The following FGF14 variants were observed in gnomAD, a reference collection of about 807,000 sequenced individuals.
FGF14 encodes the protein fibroblast growth factor 14, also known as fibroblast growth factor homologous factor 4.
In FGF14, 5 loss-of-function variants were observed where a neutral mutation model predicts 25.5. That is an observed-to-expected ratio of 0.20 (90% confidence interval 0.10 to 0.41). The LOEUF (loss-of-function observed/expected upper bound fraction) is 0.41. Among genes scored for constraint, FGF14 ranks in the 10% least tolerant of loss-of-function variants. The probability of loss-of-function intolerance (pLI) is 1.00; values close to 1 mark genes in which losing one functional copy is unlikely to be tolerated. For synonymous variants in FGF14, 138 were observed against 118.3 expected (o/e 1.17, Z -1.08); for missense variants, 222 against 320.1 (o/e 0.69, Z 2.34).
At chr13:102,353,365 T>C (rs1005970465) in intron 1 of FGF14, among the ~76,000 whole-genome samples, 1 of 152,204 alleles carries the variant, frequency 6.6e-6, no homozygotes, top group African/African-American at 2.4e-5. Flanking sequence ...GGTGATCTCA[T>C]CAACCCCTGT....
chr13:101,993,905 A>G (rs907668021), intron 1 of FGF14, among the ~76,000 whole-genome samples: 5 of 151,942 alleles, frequency 3.3e-5, no homozygotes, highest in Admixed American at 2.6e-4. Flanking sequence ...ATGTACCCTA[A>G]AACTTAAAGT....
At chr13:101,731,948 C>T (rs2035840479) in intron 3 of FGF14, among the ~76,000 whole-genome samples, 1 of 152,134 alleles carries the variant, frequency 6.6e-6, no homozygotes. Context: ...ACTATATGGT[C>T]CTTTGCCAAA....
chr13:102,054,542 T>C (rs1201517542), intron 1 of FGF14, among the ~76,000 whole-genome samples: 1 of 152,116 alleles, frequency 6.6e-6, no homozygotes, highest in African/African-American at 2.4e-5. Flanking sequence ...TCCCCATTGG[T>C]TAGTGTTAAT....
In FGF14 at chr13:102,257,011, T is replaced by G. The variant is rs968878092; in HGVS notation, c.208+144460A>C. ...ACGTTTCTATCTGAATTTGGTGGCT[T>G]GTATTGAACTTGATCTGGTATATAA... On this transcript the variant is annotated intron_variant, in intron 1 of 4. Coordinates refer to the FGF14 transcript ENST00000376131. Among the ~76,000 whole-genome samples the G allele has an allele frequency of 7.2e-5, 11 of 152,294 alleles. No homozygotes were observed. The South Asian group carries it at 1.7e-3, about 23-fold the overall frequency.
chr13:101,895,573 A>T (rs1347482189), intron 1 of FGF14, among the ~76,000 whole-genome samples: 2 of 152,236 alleles, frequency 1.3e-5, no homozygotes, highest in African/African-American at 2.4e-5. Context: ...CAAGTGAAAG[A>T]TGATTACTCT....
intron 3 of FGF14, among the ~76,000 whole-genome samples, chr13:101,733,558 G>A (rs1330341887): frequency 2.1e-5 from 3 of 141,146 alleles, no homozygotes; most frequent in Non-Finnish European, 4.5e-5. Flanking sequence ...TTGTGCCACT[G>A]CACTCCAGCC....
At chr13:102,278,356 A>G (rs2053645748) in intron 1 of FGF14, among the ~76,000 whole-genome samples, 1 of 152,210 alleles carries the variant, frequency 6.6e-6, no homozygotes, top group Admixed American at 6.5e-5. Context: ...GGACAAGTTG[A>G]AAACTGGAAA....
At chr13:102,005,132 G>C (rs2039713188) in intron 1 of FGF14, among the ~76,000 whole-genome samples, 2 of 152,086 alleles carry the variant, frequency 1.3e-5, no homozygotes, top group Admixed American at 1.3e-4. Context: ...TTATTACTGG[G>C]ATTTATTCTG....
intron 3 of FGF14, among the ~76,000 whole-genome samples, chr13:101,727,172 G>C (rs1004052438): frequency 3.3e-5 from 5 of 152,072 alleles, no homozygotes; most frequent in African/African-American, 1.2e-4. Context: ...ACACATTTCA[G>C]ATATTTTATA....
intron 1 of FGF14, among the ~76,000 whole-genome samples, chr13:101,887,735 T>C (rs1377097257): frequency 6.6e-6 from 1 of 152,094 alleles, no homozygotes; most frequent in Non-Finnish European, 1.5e-5. Context: ...GAAGAAAGAT[T>C]TGGAATGTTC....
At chr13:102,310,902 C>A (rs1226108948) in intron 1 of FGF14, among the ~76,000 whole-genome samples, 2 of 151,986 alleles carry the variant, frequency 1.3e-5, no homozygotes, top group African/African-American at 4.8e-5. Flanking sequence ...GCCAGGGTCT[C>A]ATTTTCAGGA....
At chr13:101,974,864 C>G (rs2037828112) in intron 1 of FGF14, among the ~76,000 whole-genome samples, 1 of 152,116 alleles carries the variant, frequency 6.6e-6, no homozygotes, top group Non-Finnish European at 1.5e-5. Flanking sequence ...TGTGTCCAGG[C>G]CCAGATCAGA....
At chr13:101,729,106 A>C (rs758451551) in intron 3 of FGF14, among the ~76,000 whole-genome samples, 7 of 152,132 alleles carry the variant, frequency 4.6e-5, no homozygotes, top group Admixed American at 1.3e-4. Context: ...CAAAGAAGTC[A>C]ATTCCACAGC....
intron 1 of FGF14, among the ~76,000 whole-genome samples, chr13:102,270,997 T>C (rs2053218838): frequency 6.6e-6 from 1 of 152,218 alleles, no homozygotes; most frequent in African/African-American, 2.4e-5. Context: ...GCATGAACAT[T>C]TATACAATAA....
At chr13:101,942,184 A>G (rs1008442924) in intron 1 of FGF14, among the ~76,000 whole-genome samples, 1 of 152,186 alleles carries the variant, frequency 6.6e-6, no homozygotes, top group African/African-American at 2.4e-5. Flanking sequence ...TATTCCTCAC[A>G]TACAGCAACT....
intron 1 of FGF14, among the ~76,000 whole-genome samples, chr13:102,366,055 G>A (rs2139068526): frequency 6.6e-6 from 1 of 152,192 alleles, no homozygotes; most frequent in South Asian, 2.1e-4. Flanking sequence ...GGAGCAAATG[G>A]GCATCAATGG....
chr13:102,249,324 A>G (rs1240135630), intron 1 of FGF14, among the ~76,000 whole-genome samples: 1 of 152,212 alleles, frequency 6.6e-6, no homozygotes, highest in Non-Finnish European at 1.5e-5. Flanking sequence ...TCAAATCAGA[A>G]GGGATATTCC....
intron 3 of FGF14, among the ~76,000 whole-genome samples, chr13:101,809,824 A>G (rs1451261723): frequency 6.6e-6 from 1 of 152,146 alleles, no homozygotes; most frequent in African/African-American, 2.4e-5. Context: ...CAATAAATTA[A>G]TTTTATTCTC....
At chr13:102,226,178 C>A (rs1285009328) in intron 1 of FGF14, among the ~76,000 whole-genome samples, 3 of 152,172 alleles carry the variant, frequency 2.0e-5, no homozygotes, top group African/African-American at 7.2e-5. Flanking sequence ...CAAAGGTGGG[C>A]TCTTCAGCCA....
Sources: allele counts gnomAD v4.1 joint callset (sites outside exome capture counted in the v4.1 genomes callset), GRCh38; gene constraint gnomAD v4.1.1; transcripts MANE v1.5; gene names NCBI Gene and HGNC (gene_info 2026-07-23, HGNC 2026-07-21).